DGKB: variants seen among roughly 807,000 people sequenced by gnomAD.
DGKB encodes 90 kDa diacylglycerol kinase.
Under a neutral mutation model 114.3 loss-of-function variants are expected in DGKB, and 67 were observed. That is an observed-to-expected ratio of 0.59 (90% confidence interval 0.48 to 0.72). The LOEUF (loss-of-function observed/expected upper bound fraction) is 0.72. Among genes scored for constraint, DGKB ranks in the 30% least tolerant of loss-of-function variants. The pLI, the probability that DGKB is intolerant of heterozygous loss-of-function variation, is 0.00. For missense variants in DGKB, 907 were observed against 975.2 expected, an observed-to-expected ratio of 0.93 and a Z score of 0.93; for synonymous variants, 398 against 323.1, an observed-to-expected ratio of 1.23 and a Z score of -2.49.
At chr7:14,938,372 T>C (rs1201612226) in intron 1 of DGKB, among the ~76,000 whole-genome samples, 1 of 152,204 alleles carries the variant, frequency 6.6e-6, no homozygotes, top group Non-Finnish European at 1.5e-5. Context: ...TAAGATGGAC[T>C]GATAACAGAT....
chr7:14,493,793 C>T (rs537022620), intron 20 of DGKB, among the ~76,000 whole-genome samples: 2 of 151,868 alleles, frequency 1.3e-5, no homozygotes, highest in African/African-American at 2.4e-5. Context: ...TAACTGAAAC[C>T]GTGGAAAGCA....
chr7:14,810,042 A>T (rs970400927), intron 2 of DGKB, among the ~76,000 whole-genome samples: 1 of 152,186 alleles, frequency 6.6e-6, no homozygotes, highest in Non-Finnish European at 1.5e-5. Flanking sequence ...AACTCCTTCA[A>T]ATCAGATTCT....
chr7:14,691,697 A>G (rs1214072397), intron 9 of DGKB, among the ~76,000 whole-genome samples: 6 of 152,094 alleles, frequency 3.9e-5, no homozygotes, highest in Non-Finnish European at 8.8e-5. Context: ...TTTTCACAAA[A>G]ATGAAAGAAA....
At chr7:14,392,013 A>AACTATAAC (rs1334768952) in intron 21 of DGKB, among the ~76,000 whole-genome samples, 8 of 152,158 alleles carry the variant, frequency 5.3e-5, no homozygotes, top group African/African-American at 1.9e-4. Flanking sequence ...TTTACATAAG[A>AACTATAAC]ACTATAACTC....
intron 21 of DGKB, among the ~76,000 whole-genome samples, chr7:14,426,328 C>G (rs895759795): frequency 1.3e-5 from 2 of 152,104 alleles, no homozygotes; most frequent in African/African-American, 4.8e-5. Flanking sequence ...TAAAGCCATG[C>G]AGCGTACATG....
intron 21 of DGKB, among the ~76,000 whole-genome samples, chr7:14,386,620 T>G (rs918123752): frequency 6.6e-6 from 1 of 152,134 alleles, no homozygotes; most frequent in African/African-American, 2.4e-5. Context: ...AAAGTGAAAA[T>G]TGTCAGCCCA....
At chr7:14,561,588 C>G (rs1796666765) in intron 20 of DGKB, among the ~76,000 whole-genome samples, 2 of 152,070 alleles carry the variant, frequency 1.3e-5, no homozygotes, top group Non-Finnish European at 2.9e-5. Flanking sequence ...ACAATAAGAT[C>G]CAGGCTGAGG....
At chr7:14,965,513 C>T (rs545201092) in intron 1 of DGKB, among the ~76,000 whole-genome samples, 2 of 152,104 alleles carry the variant, frequency 1.3e-5, no homozygotes, top group East Asian at 3.9e-4. Context: ...GAAAAATGTA[C>T]ACCAAGTTTT....
chr7:14,533,205 A>G (rs1791879448), intron 20 of DGKB, among the ~76,000 whole-genome samples: 1 of 151,902 alleles, frequency 6.6e-6, no homozygotes, highest in Admixed American at 6.6e-5. Context: ...TGAAGAAGAC[A>G]ATAAGTCAAC....
rs567429496 is a variant in DGKB, at chr7:14,605,665, T to C, written c.1433+1769A>G. On this transcript the variant is annotated intron_variant, in intron 17 of 25. Transcript: ENST00000402815. ...AGAACTGAAAGAGTAGAAGGAAACA[T>C]GTAGTACATATTTAAAGTGTAGTAG... 1.2e-4 allele frequency among the ~76,000 whole-genome samples: 18 copies of C among 152,076 alleles called. No individual in the cohort carries two copies. The South Asian group carries it at 1.2e-3, about 11-fold the overall frequency.
chr7:14,509,219 A>C (rs1323159563), intron 20 of DGKB, among the ~76,000 whole-genome samples: 1 of 152,106 alleles, frequency 6.6e-6, no homozygotes, highest in Admixed American at 6.5e-5. Context: ...TCAGTTCTAG[A>C]ACACCACAAT....
chr7:14,764,485 G>A (rs1456654458), intron 2 of DGKB, among the ~76,000 whole-genome samples: 1 of 151,684 alleles, frequency 6.6e-6, no homozygotes, highest in Admixed American at 6.6e-5. Context: ...GGATCATCCG[G>A]GGATCTTTTA....
intron 21 of DGKB, among the ~76,000 whole-genome samples, chr7:14,430,804 A>G (rs940770478): frequency 1.3e-5 from 2 of 152,202 alleles, no homozygotes; most frequent in Non-Finnish European, 2.9e-5. Flanking sequence ...TTACAGAAGT[A>G]CTTTATGATT....
chr7:14,959,710 T>C (rs1022836637), intron 1 of DGKB, among the ~76,000 whole-genome samples: 8 of 151,738 alleles, frequency 5.3e-5, no homozygotes, highest in African/African-American at 1.2e-4. Flanking sequence ...CACAATCATA[T>C]CTGTGGGGAG....
intron 2 of DGKB, among the ~76,000 whole-genome samples, chr7:14,785,846 A>G (rs1317962144): frequency 2.0e-5 from 3 of 152,096 alleles, no homozygotes; most frequent in Non-Finnish European, 4.4e-5. Flanking sequence ...ATTTATCTGA[A>G]TACTATTAGA....
rs1231470381 is a variant in DGKB, at chr7:14,593,354, A to T, written c.1434-10217T>A. On this transcript the variant is annotated intron_variant, in intron 17 of 25. Coordinates refer to ENST00000402815, the MANE Select transcript of DGKB (RefSeq NM_001350709.2). ...TTAATATTCCTTCTAATATAAAGTGAGTTAGAAATGAAAGGTCAGTAAATG... is the reference window on the plus strand; with the variant it reads ...TTAATATTCCTTCTAATATAAAGTGTGTTAGAAATGAAAGGTCAGTAAATG... Among the ~76,000 whole-genome samples, 3 of 152,052 alleles carry T rather than the reference A, an allele frequency of 2.0e-5. No individual in the cohort carries two copies. In the South Asian group the frequency reaches 6.2e-4, roughly 31 times the overall value.
intron 23 of DGKB, among the ~76,000 whole-genome samples, chr7:14,200,103 T>C (rs1022242792): frequency 6.6e-6 from 1 of 152,018 alleles, no homozygotes; most frequent in Non-Finnish European, 1.5e-5. Flanking sequence ...GGTTAATAAA[T>C]TGAGCACAAG....
chr7:14,605,500 T>A (rs904995565), intron 17 of DGKB, among the ~76,000 whole-genome samples: 1 of 151,618 alleles, frequency 6.6e-6, no homozygotes, highest in Admixed American at 6.6e-5. Flanking sequence ...TAATAATTTC[T>A]GAGGAGTAGT....
intron 20 of DGKB, among the ~76,000 whole-genome samples, chr7:14,527,883 C>T (rs1051067710): frequency 1.3e-5 from 2 of 151,856 alleles, no homozygotes; most frequent in Admixed American, 6.6e-5. Context: ...AAAAAGAAAA[C>T]GCGCTAACTA....
Sources: allele counts gnomAD v4.1 joint callset (sites outside exome capture counted in the v4.1 genomes callset), GRCh38; gene constraint gnomAD v4.1.1; transcripts MANE v1.5; gene names NCBI Gene and HGNC (gene_info 2026-07-23, HGNC 2026-07-21).